GRM5: variants seen among roughly 807,000 people sequenced by gnomAD.
GRM5 encodes glutamate metabotropic receptor 5.
GRM5 carries 19 observed loss-of-function variants against 83.1 expected under a neutral mutation model. The ratio of observed to expected loss-of-function variants is 0.23; its 90% CI spans 0.16 to 0.34. GRM5 has a LOEUF of 0.34. Ranked by LOEUF, GRM5 falls within the 10% of genes least tolerant of loss-of-function variation. GRM5 has a pLI of 1.00. For missense variants in GRM5, 1,160 were observed against 1,588.3 expected (o/e 0.73, Z 4.58); for synonymous variants, 675 against 633.6 (o/e 1.07, Z -0.98).
chr11:88,787,997 A>G (rs1943105653), intron 3 of GRM5, among the ~76,000 whole-genome samples: 1 of 152,124 alleles, frequency 6.6e-6, no homozygotes, highest in Admixed American at 6.6e-5. Context: ...AAGATATTTT[A>G]CTGTATTCGT....
In GRM5 at chr11:88,808,537, C is replaced by T. The variant is rs182926957; in HGVS notation, c.911+41369G>A. Reference sequence around the variant, plus strand: ...TAAATAGCATGGATTTGTGAAAAACCACTTTAGTGAAGTGAAAAAGTATAT... The same window carrying T: ...TAAATAGCATGGATTTGTGAAAAACTACTTTAGTGAAGTGAAAAAGTATAT... On this transcript the variant is annotated intron_variant, in intron 3 of 9. Transcript: ENST00000305447. Among the ~76,000 whole-genome samples, 828 of 151,960 alleles carry T rather than the reference C, an allele frequency of 5.4e-3. 4 individuals are homozygous for T. The highest frequency in any genetic ancestry group is 6.9e-3 in the Non-Finnish European group (466 of 67,834).
chr11:88,812,001 T>C (rs950280995), intron 3 of GRM5, among the ~76,000 whole-genome samples: 2 of 152,132 alleles, frequency 1.3e-5, no homozygotes, highest in African/African-American at 4.8e-5. Flanking sequence ...GAGTACACTT[T>C]GGGCCACTTT....
At chr11:88,587,781 C>T (rs1202767539) in intron 7 of GRM5, among the ~76,000 whole-genome samples, 2 of 152,092 alleles carry the variant, frequency 1.3e-5, no homozygotes, top group South Asian at 2.1e-4. Context: ...CTGAGTTCTC[C>T]CCAGCTAACT....
intron 3 of GRM5, among the ~76,000 whole-genome samples, chr11:88,818,873 G>A (rs1009461198): frequency 1.3e-5 from 2 of 152,098 alleles, no homozygotes; most frequent in African/African-American, 4.8e-5. Context: ...AGTTGTTATG[G>A]TTGGACAGAA....
chr11:88,585,052 GC>G (rs1943286097), intron 7 of GRM5, among the ~76,000 whole-genome samples: 2 of 152,174 alleles, frequency 1.3e-5, no homozygotes, highest in South Asian at 4.1e-4. Flanking sequence ...TGTGAGAGGT[GC>G]CCTTCTTAGA....
chr11:88,899,110 T>C (rs1945279040), intron 2 of GRM5, among the ~76,000 whole-genome samples: 1 of 151,946 alleles, frequency 6.6e-6, no homozygotes, highest in African/African-American at 2.4e-5. Context: ...TTTTTTTGAC[T>C]AGCCTACAAA....
intron 5 of GRM5, among the ~76,000 whole-genome samples, chr11:88,601,698 G>T (rs1938003565): frequency 6.6e-6 from 1 of 152,020 alleles, no homozygotes; most frequent in Non-Finnish European, 1.5e-5. Context: ...TCTAACATTG[G>T]GTGTCCACGT....
chr11:88,569,525 A>C (rs1447096118), intron 7 of GRM5, among the ~76,000 whole-genome samples: 2 of 152,244 alleles, frequency 1.3e-5, no homozygotes, highest in Middle Eastern at 3.2e-3. Flanking sequence ...TAACATGTAC[A>C]CAGAGGATTC....
intron 3 of GRM5, among the ~76,000 whole-genome samples, chr11:88,811,102 G>GTTT (rs145179116): frequency 1.3e-5 from 2 of 151,398 alleles, no homozygotes; most frequent in African/African-American, 4.8e-5. Context: ...ACCTTTTTTT[G>GTTT]TTTTTTTTCC....
chr11:88,639,385 C>A (rs1222672007), intron 4 of GRM5, among the ~76,000 whole-genome samples: 1 of 152,098 alleles, frequency 6.6e-6, no homozygotes, highest in Non-Finnish European at 1.5e-5. Flanking sequence ...AGGGTCACAT[C>A]TTTTATTTCT....
chr11:89,039,853 T>C (rs1941487249), intron 2 of GRM5, among the ~76,000 whole-genome samples: 1 of 152,170 alleles, frequency 6.6e-6, no homozygotes, highest in Admixed American at 6.5e-5. Context: ...CCAGGCTGAG[T>C]GCAGTGGTGC....
chr11:88,670,314 T>C (rs1456049984), intron 3 of GRM5, among the ~76,000 whole-genome samples: 3 of 151,974 alleles, frequency 2.0e-5, no homozygotes, highest in African/African-American at 7.2e-5. Context: ...TAAAAGGAGA[T>C]ATTTTCACCA....
chr11:88,793,167 A>G (rs1030946264), intron 3 of GRM5, among the ~76,000 whole-genome samples: 3 of 152,172 alleles, frequency 2.0e-5, no homozygotes, highest in Non-Finnish European at 4.4e-5. Context: ...AACTCATATC[A>G]ATCCTAACTG....
Position 88,525,324 on chromosome 11 carries a change from C to G in GRM5, c.2711G>C (p.Arg904Thr). Residue 904 changes from arginine (R) to threonine (T), a missense_variant, in exon 9 of 10, where the codon AGA becomes ACA. Around this residue, in one of 9 missense-constraint regions of GRM5, gnomAD observed 562 missense variants for 532.4 expected, o/e 1.06. Transcript: ENST00000305447. Reference sequence around the variant, plus strand: ...GTTTGCTTACCTGCTCATTGTTGCTCTCCCACCATTCCCCATACTCCCTTT... The same window carrying G: ...GTTTGCTTACCTGCTCATTGTTGCTGTCCCACCATTCCCCATACTCCCTTT... Reference protein sequence around the residue: ...TPKGSMGNGGRATMSSSNGKS... With the variant: ...TPKGSMGNGGTATMSSSNGKS... 2 of 1,603,958 alleles carry G rather than the reference C, an allele frequency of 1.2e-6. No homozygotes were observed. Among genetic ancestry groups the G allele is most frequent in the East Asian group, 2.2e-5 (1 of 44,832 alleles).
chr11:88,576,810 C>T (rs137896725), intron 7 of GRM5, among the ~76,000 whole-genome samples: 130 of 152,090 alleles, frequency 8.5e-4, no homozygotes, highest in Middle Eastern at 6.8e-3. Flanking sequence ...ATTTTAAAAC[C>T]GATAGGGTAT....
intron 4 of GRM5, among the ~76,000 whole-genome samples, chr11:88,650,846 T>C (rs867843465): frequency 3.9e-4 from 59 of 152,208 alleles, no homozygotes; most frequent in Admixed American, 1.8e-3. Context: ...CAATGTTTAA[T>C]AGTTATATGA....
intron 7 of GRM5, among the ~76,000 whole-genome samples, chr11:88,570,571 A>ATAT (rs1405339448): frequency 6.5e-5 from 3 of 46,378 alleles, no homozygotes; most frequent in African/African-American, 2.7e-4. Flanking sequence ...ATATATATAT[A>ATAT]TTTTTTTTTT....
At position 88,859,938 on chromosome 11, in the gene GRM5, G is replaced by A. The variant is rs1397481539; in HGVS notation, c.662-9783C>T. 2.6e-5 allele frequency among the ~76,000 whole-genome samples: 4 copies of A among 152,094 alleles called. No individual in the cohort carries two copies. The East Asian group carries it at 5.8e-4, about 22-fold the overall frequency. On this transcript the variant is annotated intron_variant, in intron 2 of 9. Transcript: ENST00000305447. ...AGAGCCTTTCTACAAAATACACAAC[G>A]CTTAATCATAGCTTTTCTATGGACA...
At position 88,508,663 on chromosome 11, in the gene GRM5, A is replaced by G; in HGVS notation, c.3568T>C (p.Cys1190Arg). Residue 1190 changes from cysteine to arginine, a missense_variant, in exon 10 of 10, where the codon TGT (cysteine) becomes CGT (arginine). By Grantham distance (180) the Cys-to-Arg change is radical. This residue lies in a region of GRM5 where 562 missense variants were observed against 532.4 expected (regional missense o/e 1.06). Transcript: ENST00000305447. The surrounding 1 kb of genome is among the most constrained non-coding windows in gnomAD (Gnocchi z 4.2). ...PNSPVSESALCIPSSPKYDTL... is the reference protein window; with the variant it reads ...PNSPVSESALRIPSSPKYDTL... ...TCATATTTGGGAGACGACGGGATAC[A>G]GAGGGCCGACTCGGACACTGGCGAG... 1 of 1,609,836 alleles carries G rather than the reference A, an allele frequency of 6.2e-7. No homozygotes were observed. The highest frequency in any genetic ancestry group is 1.1e-5 in the South Asian group (1 of 91,026).
Sources: allele counts gnomAD v4.1 joint callset (sites outside exome capture counted in the v4.1 genomes callset), GRCh38; gene constraint gnomAD v4.1.1; regional missense constraint gnomAD v4.1.1; non-coding constraint Gnocchi (gnomAD v3.1); transcripts MANE v1.5; gene names NCBI Gene and HGNC (gene_info 2026-07-23, HGNC 2026-07-21).